GPC5: variants seen among roughly 807,000 people sequenced by gnomAD.
The protein encoded by GPC5 is glypican 5.
Under a neutral mutation model 53.9 loss-of-function variants are expected in GPC5, and 47 were observed. That is an observed-to-expected ratio of 0.87 (90% confidence interval 0.69 to 1.11). GPC5 has a LOEUF of 1.11. Ranked by LOEUF, GPC5 falls within the 50% of genes most tolerant of loss-of-function variation. The probability of loss-of-function intolerance (pLI) is 0.00; values close to 1 mark genes in which losing one functional copy is unlikely to be tolerated. For missense variants in GPC5, 748 were observed against 713.1 expected, an observed-to-expected ratio of 1.05 and a Z score of -0.56; for synonymous variants, 286 against 263.3, an observed-to-expected ratio of 1.09 and a Z score of -0.84.
At chr13:92,367,418 T>G (rs1004636685) in intron 7 of GPC5, among the ~76,000 whole-genome samples, 2 of 152,230 alleles carry the variant, frequency 1.3e-5, no homozygotes, top group East Asian at 3.8e-4. Context: ...TGAAGAATTT[T>G]CTTTGTAATG....
chr13:92,607,188 T>C (rs1449912849), intron 7 of GPC5, among the ~76,000 whole-genome samples: 1 of 152,052 alleles, frequency 6.6e-6, no homozygotes, highest in African/African-American at 2.4e-5. Context: ...AAAAGAGAAA[T>C]TGGGCAACTT....
chr13:92,300,299 G>T (rs76343712), intron 7 of GPC5, among the ~76,000 whole-genome samples: 2,018 of 152,142 alleles, frequency 0.013, 29 homozygotes, highest in South Asian at 0.025. Context: ...GAGAGTTTGG[G>T]TTCTCTCCAA....
At chr13:92,750,451 A>C (rs1168288541) in intron 7 of GPC5, among the ~76,000 whole-genome samples, 1 of 151,972 alleles carries the variant, frequency 6.6e-6, no homozygotes, top group African/African-American at 2.4e-5. Flanking sequence ...AGAGGAAAAG[A>C]AAAAAAATGA....
At chr13:92,411,074 A>G (rs1203559675) in intron 7 of GPC5, among the ~76,000 whole-genome samples, 1 of 152,110 alleles carries the variant, frequency 6.6e-6, no homozygotes, top group African/African-American at 2.4e-5. Flanking sequence ...CTGTCTCTCC[A>G]AAACAAACAA....
chr13:91,562,284 A>G (rs1161959821), intron 2 of GPC5, among the ~76,000 whole-genome samples: 2 of 151,304 alleles, frequency 1.3e-5, no homozygotes, highest in African/African-American at 4.8e-5. Flanking sequence ...CTGATGATCT[A>G]TGGATGACTA....
In GPC5 at chr13:92,604,869, T is replaced by C. The variant is rs190358297; in HGVS notation, c.1562-261413T>C. Among the ~76,000 whole-genome samples the C allele has an allele frequency of 1.7e-3, 258 of 152,370 alleles. 1 individual carries two copies. The highest frequency in any genetic ancestry group is 6.1e-3 in the African/African-American group (253 of 41,580). On this transcript the variant is annotated intron_variant, in intron 7 of 7. Coordinates refer to ENST00000377067, the MANE Select transcript of GPC5 (RefSeq NM_004466.6). ...AAATGGCTGTGTTTTCTCATTAATA[T>C]ACAAGCTTTTCTTTTGATCTTGAAA...
chr13:92,797,581 T>G (rs1876730313), intron 7 of GPC5, among the ~76,000 whole-genome samples: 1 of 151,926 alleles, frequency 6.6e-6, no homozygotes, highest in Admixed American at 6.6e-5. Flanking sequence ...TGCCACACAC[T>G]AAATACAAAT....
At chr13:92,577,206 G>T (rs1883214004) in intron 7 of GPC5, among the ~76,000 whole-genome samples, 1 of 152,148 alleles carries the variant, frequency 6.6e-6, no homozygotes, top group East Asian at 1.9e-4. Context: ...GGAGACTTTG[G>T]TTCCCTTTAC....
At chr13:91,431,900 T>C (rs998100776) in intron 1 of GPC5, among the ~76,000 whole-genome samples, 1 of 152,212 alleles carries the variant, frequency 6.6e-6, no homozygotes, top group African/African-American at 2.4e-5. Context: ...CAGCAAGGTC[T>C]TTAGTGTGTA....
intron 4 of GPC5, among the ~76,000 whole-genome samples, chr13:91,751,321 G>A (rs1354471133): frequency 2.0e-5 from 3 of 152,218 alleles, no homozygotes; most frequent in East Asian, 3.9e-4. Context: ...TGAATTATTA[G>A]TTTTCTTTTC....
intron 7 of GPC5, among the ~76,000 whole-genome samples, chr13:92,290,810 G>A (rs1474016489): frequency 2.6e-5 from 4 of 152,304 alleles, no homozygotes; most frequent in South Asian, 2.1e-4. Context: ...CCTTCAGCCC[G>A]CTGCTGCACT....
At chr13:92,309,728 T>C (rs1400699181) in intron 7 of GPC5, among the ~76,000 whole-genome samples, 1 of 152,120 alleles carries the variant, frequency 6.6e-6, no homozygotes, top group Non-Finnish European at 1.5e-5. Flanking sequence ...CACATGTTTA[T>C]CTTTAAAAAT....
intron 3 of GPC5, among the ~76,000 whole-genome samples, chr13:91,723,848 A>C (rs951486845): frequency 6.6e-6 from 1 of 152,176 alleles, no homozygotes; most frequent in African/African-American, 2.4e-5. Flanking sequence ...GAAAAATAAA[A>C]TCCAAATCTA....
chr13:92,589,963 A>T (rs536929736), intron 7 of GPC5, among the ~76,000 whole-genome samples: 10 of 152,168 alleles, frequency 6.6e-5, no homozygotes. Context: ...AAGGTTGATG[A>T]GTGCCACCCA....
intron 7 of GPC5, among the ~76,000 whole-genome samples, chr13:92,791,294 G>A (rs1876451931): frequency 6.6e-6 from 1 of 151,826 alleles, no homozygotes; most frequent in Non-Finnish European, 1.5e-5. Flanking sequence ...AATTTAGCTG[G>A]GTCAAGGAAA....
chr13:92,603,867 A>G (rs1016539845), intron 7 of GPC5, among the ~76,000 whole-genome samples: 1 of 152,144 alleles, frequency 6.6e-6, no homozygotes, highest in Non-Finnish European at 1.5e-5. Flanking sequence ...GATGGCAGGA[A>G]GGGGAGAGAG....
At chr13:91,641,756 A>G (rs1199361381) in intron 2 of GPC5, among the ~76,000 whole-genome samples, 1 of 152,216 alleles carries the variant, frequency 6.6e-6, no homozygotes, top group Non-Finnish European at 1.5e-5. Flanking sequence ...TAGAGACATA[A>G]GAGGGTGAGA....
Position 92,820,579 on chromosome 13 carries a change from G to A in GPC5, c.1562-45703G>A, listed in dbSNP as rs116133786. ...TTTTGACAAAACTCACAACGCCTTC[G>A]TTATCTGACCTTCACTAACCCTCCT... On this transcript the variant is annotated intron_variant, in intron 7 of 7. Transcript: ENST00000377067. Among the ~76,000 whole-genome samples the A allele has an allele frequency of 2.4e-3, 361 of 152,100 alleles. 1 individual carries two copies. Among genetic ancestry groups the A allele is most frequent in the African/African-American group, 8.3e-3 (344 of 41,478 alleles).
At chr13:91,464,343 T>G (rs1342023780) in intron 2 of GPC5, among the ~76,000 whole-genome samples, 1 of 152,168 alleles carries the variant, frequency 6.6e-6, no homozygotes, top group Non-Finnish European at 1.5e-5. Flanking sequence ...AACCTGCACT[T>G]ATTGTATTGT....
Sources: gnomAD v4.1 joint callset for allele counts (sites outside exome capture counted in the v4.1 genomes callset) on GRCh38, gnomAD v4.1.1 for gene constraint, MANE v1.5 for transcripts, NCBI Gene and HGNC (gene_info 2026-07-23, HGNC 2026-07-21) for gene names.